Variants in ZNF717 observed in about 807,000 individuals in gnomAD.
ZNF717 encodes krueppel-like factor X17.
ZNF717 carries 9 observed loss-of-function variants against 13.8 expected under a neutral mutation model. The observed-to-expected ratio is 0.65, with a 90% CI of 0.39 to 1.14. The LOEUF (loss-of-function observed/expected upper bound fraction) is 1.14. Among genes scored for constraint, ZNF717 ranks in the 50% most tolerant of loss-of-function variants. The pLI, the probability that ZNF717 is intolerant of heterozygous loss-of-function variation, is 0.01. For synonymous variants in ZNF717, 327 were observed against 364.1 expected (o/e 0.90, Z 1.16); for missense variants, 1,040 against 1,080.7 (o/e 0.96, Z 0.53).
In ZNF717 at chr3:75,768,138, G is replaced by A. The variant is rs948039812; in HGVS notation, c.57+15168C>T. On this transcript the variant is annotated intron_variant, in intron 2 of 4. Coordinates refer to ENST00000652011, the MANE Select transcript of ZNF717 (RefSeq NM_001290208.3). ...AGGTGCCCCATGGGAATGACCAACC[G>A]TTAGACAGGGCCTGCAGGGCAGCAC... is the stretch of plus-strand genomic sequence containing the variant. 1.1e-4 allele frequency among the ~76,000 whole-genome samples: 17 copies of A among 152,222 alleles called. No individual in the cohort carries two copies. The South Asian group carries it at 1.7e-3, about 15-fold the overall frequency.
intron 2 of ZNF717, among the ~76,000 whole-genome samples, chr3:75,760,421 T>C (rs1178075601): frequency 1.3e-5 from 2 of 152,240 alleles, no homozygotes; most frequent in African/African-American, 4.8e-5. Flanking sequence ...CAATTCATTA[T>C]GTGTTTCATT....
intron 2 of ZNF717, among the ~76,000 whole-genome samples, chr3:75,779,058 C>T (rs181472714): frequency 0.037 from 5,535 of 148,458 alleles, 419 homozygotes; most frequent in African/African-American, 0.13. Flanking sequence ...GCGCAAAAAC[C>T]GGAACCCAAA....
At chr3:75,763,642 C>T (rs1342813649) in intron 2 of ZNF717, among the ~76,000 whole-genome samples, 1 of 152,220 alleles carries the variant, frequency 6.6e-6, no homozygotes. Flanking sequence ...CTCTGCCAAC[C>T]CAGGATTAGG....
intron 5 of ZNF717, among the ~76,000 whole-genome samples, chr3:75,714,628 C>A (rs1270576038): frequency 6.6e-6 from 1 of 151,914 alleles, no homozygotes; most frequent in Non-Finnish European, 1.5e-5. Flanking sequence ...GGCTTGCCGC[C>A]CACATAATAA....
intron 2 of ZNF717, among the ~76,000 whole-genome samples, chr3:75,749,581 G>A (rs796336439): frequency 6.6e-6 from 1 of 150,832 alleles, no homozygotes; most frequent in East Asian, 2.0e-4. Context: ...TGCCACAAGG[G>A]TCTGAATATC....
chr3:75,731,765 T>C (rs199785371), downstream of ZNF717, among the ~76,000 whole-genome samples: 3 of 151,390 alleles, frequency 2.0e-5, no homozygotes, highest in African/African-American at 7.3e-5. Context: ...AAAATTTAAA[T>C]AAAACAAAAG....
Position 75,737,899 on chromosome 3 carries a change from T to C in ZNF717, c.1724A>G (p.Lys575Arg), listed in dbSNP as rs533798223. The C allele has an allele frequency of 2.4e-5, 37 of 1,548,098 alleles. No homozygotes were observed. The South Asian group carries it at 4.0e-4, about 17-fold the overall frequency. ...CNECGKSFHCKSFLTIHQRTH... is the reference protein window; with the variant it reads ...CNECGKSFHCRSFLTIHQRTH... ...TCTCTGATGTATAGTTAGGAATGAC[T>C]TACAGTGAAAGGATTTTCCACATTC... The change falls in exon 5 of 5, where the codon AAG becomes AGG. Residue 575 changes from lysine to arginine, a missense_variant. Transcript: ENST00000652011.
At chr3:75,722,864 C>T (rs1938197328) in intron 4 of ZNF717, among the ~76,000 whole-genome samples, 1 of 148,030 alleles carries the variant, frequency 6.8e-6, no homozygotes. Context: ...CTTCTTTGAT[C>T]TCCAAAGAAA....
intron 2 of ZNF717, among the ~76,000 whole-genome samples, chr3:75,768,784 G>A (rs562110357): frequency 2.0e-5 from 3 of 149,198 alleles, no homozygotes; most frequent in African/African-American, 7.4e-5. Flanking sequence ...TGTGTGGGGG[G>A]ACAGATGACA....
chr3:75,750,503 C>A (rs80196844), intron 2 of ZNF717, among the ~76,000 whole-genome samples: 143 of 126,926 alleles, frequency 1.1e-3, no homozygotes, highest in African/African-American at 3.9e-3. Context: ...TGAATCCTTG[C>A]CCCTCACATA....
In ZNF717 at chr3:75,765,273, TA is replaced by T. The variant is rs763645037; in HGVS notation, c.57+18032del. Among the ~76,000 whole-genome samples, 60 of 148,926 alleles carry T rather than the reference TA, an allele frequency of 4.0e-4. No homozygotes were observed. The East Asian group carries it at 6.8e-3, about 17-fold the overall frequency. On this transcript the variant is annotated intron_variant, in intron 2 of 4. Transcript: ENST00000652011. ...TGAATGGGTATAGAGCTTTCCAAGATAAAAAAAAAATCTAGAAATCTGCTAC... is the reference window on the plus strand; with the variant it reads ...TGAATGGGTATAGAGCTTTCCAAGATAAAAAAAAATCTAGAAATCTGCTAC...
At chr3:75,731,523 TGCACTCCA>T (rs1258632332), downstream of ZNF717, among the ~76,000 whole-genome samples, 1 of 151,558 alleles carries the variant, frequency 6.6e-6, no homozygotes, top group Non-Finnish European at 1.5e-5. Flanking sequence ...ATTGCACCAC[TGCACTCCA>T]GCCTGAGCAA....
intron 2 of ZNF717, among the ~76,000 whole-genome samples, chr3:75,759,424 C>T (rs1283277600): frequency 1.1e-4 from 17 of 151,806 alleles, no homozygotes; most frequent in African/African-American, 3.4e-4. Context: ...TACAGGCACC[C>T]GCCACAACGC....
chr3:75,768,114 G>C (rs1196487113), intron 2 of ZNF717, among the ~76,000 whole-genome samples: 1 of 152,212 alleles, frequency 6.6e-6, no homozygotes, highest in African/African-American at 2.4e-5. Context: ...ACCTGCAACA[G>C]GTGCCCCATG....
chr3:75,737,475 T>A lies in ZNF717; in HGVS notation c.2148A>T (p.Gln716His), dbSNP rs1355054561. Reference sequence around the variant, plus strand: ...TGAATACCTTGATGCTTCTGAAGATTTGCCTTCTGATGAAAGGATTTTCCA... The same window carrying A: ...TGAATACCTTGATGCTTCTGAAGATATGCCTTCTGATGAAAGGATTTTCCA... ...MNVENPFIRRQIFRSIKVFTR... is the reference protein window; with the variant it reads ...MNVENPFIRRHIFRSIKVFTR... Residue 716 changes from glutamine to histidine, a missense_variant, in exon 5 of 5, where the codon CAA becomes CAT. By Grantham distance (24) the Gln-to-His change is conservative (BLOSUM62 0). Transcript: ENST00000652011. 4 of 1,555,202 alleles carry A rather than the reference T, an allele frequency of 2.6e-6. No individual in the cohort carries two copies. Among genetic ancestry groups the A allele is most frequent in the Non-Finnish European group, 1.7e-6 (2 of 1,149,150 alleles).
At chr3:75,777,901 G>A (rs1304014402) in intron 2 of ZNF717, among the ~76,000 whole-genome samples, 5 of 141,228 alleles carry the variant, frequency 3.5e-5, no homozygotes, top group Admixed American at 1.4e-4. Flanking sequence ...GTGTTAAAAC[G>A]GAACCCAAAA....
At chr3:75,722,137 G>A (rs80283284) in intron 4 of ZNF717, among the ~76,000 whole-genome samples, 1 of 151,418 alleles carries the variant, frequency 6.6e-6, no homozygotes, top group Non-Finnish European at 1.5e-5. Context: ...GTGGGCGCCT[G>A]TAGTCCCAGC....
At chr3:75,715,978 GTT>G (rs63089262) in intron 5 of ZNF717, among the ~76,000 whole-genome samples, 9 of 144,024 alleles carry the variant, frequency 6.2e-5, no homozygotes, top group East Asian at 2.0e-4. Flanking sequence ...TTGTTTTTTT[GTT>G]TTTTTTTTTT....
At chr3:75,696,903 AAAAAAAAAAAAAAAC>A (rs1486683574) in intron 6 of ZNF717, among the ~76,000 whole-genome samples, 7 of 14,324 alleles carry the variant, frequency 4.9e-4, no homozygotes, top group African/African-American at 1.0e-3. Context: ...AAAAAAAAAA[AAAAAAAAAAAAAAAC>A]AAGGACAAAA....
Sources: allele counts gnomAD v4.1 joint callset (sites outside exome capture counted in the v4.1 genomes callset), GRCh38; gene constraint gnomAD v4.1.1; transcripts MANE v1.5; gene names NCBI Gene and HGNC (gene_info 2026-07-23, HGNC 2026-07-21).